The following PDIA5 variants were observed in gnomAD, a reference collection of about 807,000 sequenced individuals.
The protein encoded by PDIA5 is protein disulfide isomerase family A member 5.
In PDIA5, 58 loss-of-function variants were observed where a neutral mutation model predicts 77.6. The ratio of observed to expected loss-of-function variants is 0.75; its 90% confidence interval spans 0.61 to 0.93. The LOEUF (loss-of-function observed/expected upper bound fraction) is 0.93, where lower values mean the gene tolerates loss of function less well. PDIA5 is among the 40% of genes least tolerant of loss of function. PDIA5 has a pLI of 0.00. For synonymous variants in PDIA5, 250 were observed against 252.1 expected, an observed-to-expected ratio of 0.99 and a Z score of 0.08; for missense variants, 630 against 647.7, an observed-to-expected ratio of 0.97 and a Z score of 0.30.
intron 14 of PDIA5, among the ~76,000 whole-genome samples, chr3:123,152,733 C>T (rs973632935): frequency 3.9e-5 from 6 of 152,148 alleles, no homozygotes; most frequent in African/African-American, 1.4e-4. Context: ...TCCCACATCC[C>T]TTCTCCCACC....
intron 1 of PDIA5, among the ~76,000 whole-genome samples, chr3:123,071,923 A>G (rs529364695): frequency 6.6e-5 from 10 of 152,318 alleles, no homozygotes; most frequent in African/African-American, 2.4e-4. Flanking sequence ...GACATGGGAA[A>G]TGAGGAATGA....
At chr3:123,107,503 A>G (rs1199260850) in intron 6 of PDIA5, among the ~76,000 whole-genome samples, 1 of 152,148 alleles carries the variant, frequency 6.6e-6, no homozygotes, top group Admixed American at 6.5e-5. Context: ...TAGCCTGGTC[A>G]ACATAGTGAG....
chr3:123,148,836 G>C (rs546718169), intron 13 of PDIA5, among the ~76,000 whole-genome samples: 1 of 152,250 alleles, frequency 6.6e-6, no homozygotes, highest in Non-Finnish European at 1.5e-5. Context: ...TTCAGGTGGA[G>C]TGTGAACAGC....
At chr3:123,161,230 G>A in intron 15 of PDIA5, 91 bp from the exon 16 acceptor site, 2 of 1,374,446 alleles carry the variant, frequency 1.5e-6, no homozygotes, top group Non-Finnish European at 2.0e-6. Flanking sequence ...GAGTGGGCCT[G>A]TGACGTGGAC....
chr3:123,130,719 A>G (rs1935353794), intron 11 of PDIA5, 103 bp downstream of exon 11: 2 of 1,342,448 alleles, frequency 1.5e-6, no homozygotes, highest in Non-Finnish European at 1.0e-6. Context: ...TATTTTTTGG[A>G]TGCCAGGACC....
chr3:123,128,461 G>T (rs1243555824), intron 10 of PDIA5, among the ~76,000 whole-genome samples: 1 of 151,692 alleles, frequency 6.6e-6, no homozygotes, highest in African/African-American at 2.4e-5. Flanking sequence ...TAAAAATTTA[G>T]TTTTTGAGTC....
At chr3:123,133,378 G>C (rs1935416103) in intron 11 of PDIA5, among the ~76,000 whole-genome samples, 1 of 152,234 alleles carries the variant, frequency 6.6e-6, no homozygotes, top group African/African-American at 2.4e-5. Flanking sequence ...GACCATTTTA[G>C]AGACTCACAG....
intron 11 of PDIA5, 96 bp from the exon 12 acceptor site, chr3:123,145,425 TG>T: frequency 1.3e-6 from 1 of 784,374 alleles, no homozygotes; most frequent in Non-Finnish European, 2.1e-6. Flanking sequence ...CTCAGGTGTC[TG>T]GGAATGGGAC....
At chr3:123,160,278 C>T (rs972211169) in intron 15 of PDIA5, among the ~76,000 whole-genome samples, 1 of 152,192 alleles carries the variant, frequency 6.6e-6, no homozygotes, top group Non-Finnish European at 1.5e-5. Flanking sequence ...GCATGACCCT[C>T]AACCGGAAAC....
At chr3:123,081,874 C>T (rs2107911450) in intron 1 of PDIA5, among the ~76,000 whole-genome samples, 1 of 152,322 alleles carries the variant, frequency 6.6e-6, no homozygotes, top group South Asian at 2.1e-4. Context: ...CTGATTATCT[C>T]CCAGCGTGCT....
Position 123,067,782 on chromosome 3 carries a change from C to T in PDIA5, c.42+576C>T, listed in dbSNP as rs1005893499. Among the ~76,000 whole-genome samples, 175 of 152,308 alleles carry T rather than the reference C, an allele frequency of 1.1e-3. 2 individuals carry two copies. The highest frequency in any genetic ancestry group is 4.1e-4 in the South Asian group (2 of 4,826). ...GAGCTGCTCCTACACCCAACTGAGG[C>T]GGGCTCGAGCCTCAGCCACTTTCTA... On this transcript the variant is annotated intron_variant, in intron 1 of 16. Transcript: ENST00000316218.
chr3:123,070,102 A>AAAAG (rs1553794669), intron 1 of PDIA5, among the ~76,000 whole-genome samples: 1 of 151,772 alleles, frequency 6.6e-6, no homozygotes, highest in Non-Finnish European at 1.5e-5. Context: ...AAAAAAAAAA[A>AAAAG]AAGAAGAAGA....
At chr3:123,116,201 G>C (rs376263655) in intron 7 of PDIA5, 30 bp from the exon 8 acceptor site, 1 of 1,599,082 alleles carries the variant, frequency 6.3e-7, no homozygotes, top group Non-Finnish European at 8.6e-7. Flanking sequence ...CCCTGTAACC[G>C]GATGTGGTCT....
chr3:123,085,485 T>A (rs1055528277), intron 1 of PDIA5, among the ~76,000 whole-genome samples: 1 of 152,200 alleles, frequency 6.6e-6, no homozygotes. Context: ...CTTGGCTGAC[T>A]GGCTGGAAGG....
chr3:123,148,277 G>C (rs1205480606), intron 13 of PDIA5, among the ~76,000 whole-genome samples: 3 of 152,116 alleles, frequency 2.0e-5, no homozygotes, highest in African/African-American at 7.2e-5. Context: ...ACTCAAAAAA[G>C]TTGAAACTGG....
intron 15 of PDIA5, among the ~76,000 whole-genome samples, chr3:123,159,769 G>A (rs1222769419): frequency 1.3e-5 from 2 of 152,176 alleles, no homozygotes; most frequent in Non-Finnish European, 2.9e-5. Context: ...GAAGGGAAGC[G>A]TGAGGGTGAG....
intron 15 of PDIA5, among the ~76,000 whole-genome samples, chr3:123,156,827 G>GA: frequency 3.4e-5 from 1 of 29,782 alleles, no homozygotes; most frequent in Admixed American, 2.4e-4. Flanking sequence ...TGAAGGGGCA[G>GA]CCCCATTGAC....
Position 123,152,738 on chromosome 3 carries a change from C to G in PDIA5, c.1274-2233C>G, listed in dbSNP as rs568385440. ...TCTCTCCACCTCCCACATCCCTTCT[C>G]CCACCATGTCTGCCCCTGCATCCTG... On this transcript the variant is annotated intron_variant, in intron 14 of 16. Coordinates refer to ENST00000316218, the MANE Select transcript of PDIA5 (RefSeq NM_006810.4). Among the ~76,000 whole-genome samples, 6 of 152,134 alleles carry G rather than the reference C, an allele frequency of 3.9e-5. No homozygotes were observed. The South Asian group carries it at 1.2e-3, about 32-fold the overall frequency.
intron 10 of PDIA5, among the ~76,000 whole-genome samples, chr3:123,128,154 A>C (rs1935285632): frequency 6.6e-6 from 1 of 152,222 alleles, no homozygotes; most frequent in Non-Finnish European, 1.5e-5. Context: ...CACTCCAGTG[A>C]CCGCTAAACC....
Sources: gnomAD v4.1 joint callset for allele counts (sites outside exome capture counted in the v4.1 genomes callset) on GRCh38, gnomAD v4.1.1 for gene constraint, MANE v1.5 for transcripts, NCBI Gene and HGNC (gene_info 2026-07-23, HGNC 2026-07-21) for gene names.